CACNA1C: variants seen among roughly 807,000 people sequenced by gnomAD.
CACNA1C encodes the protein calcium voltage-gated channel subunit alpha1 C.
CACNA1C carries 30 observed loss-of-function variants against 229.0 expected under a neutral mutation model. The observed-to-expected ratio is 0.13, with a 90% confidence interval of 0.10 to 0.18. The LOEUF (loss-of-function observed/expected upper bound fraction) is 0.18. CACNA1C is among the 10% of genes least tolerant of loss of function. The pLI, the probability that CACNA1C is intolerant of heterozygous loss-of-function variation, is 1.00. For missense variants in CACNA1C, 1,658 were observed against 2,845.0 expected (o/e 0.58, Z 9.49); for synonymous variants, 1,114 against 1,132.5 (o/e 0.98, Z 0.33).
chr12:2,166,167 C>T (rs1290426446), intron 3 of CACNA1C, among the ~76,000 whole-genome samples: 7 of 152,178 alleles, frequency 4.6e-5, no homozygotes, highest in Admixed American at 4.6e-4. Context: ...TTAGACCCAG[C>T]AAACATTCTG....
At chr12:2,013,970 C>A (rs2044873283) in intron 1 of CACNA1C, among the ~76,000 whole-genome samples, 1 of 152,144 alleles carries the variant, frequency 6.6e-6, no homozygotes, top group African/African-American at 2.4e-5. Context: ...ACATTGTTTT[C>A]TGTTTTCCTT....
chr12:2,579,089 T>G (rs1439929537), intron 13 of CACNA1C, among the ~76,000 whole-genome samples: 1 of 152,108 alleles, frequency 6.6e-6, no homozygotes, highest in Admixed American at 6.5e-5. Context: ...TCCCCCAGAC[T>G]TTCTTGCTGA....
chr12:2,499,637 A>G (rs2099754525), intron 7 of CACNA1C, among the ~76,000 whole-genome samples: 1 of 152,222 alleles, frequency 6.6e-6, no homozygotes, highest in African/African-American at 2.4e-5. Flanking sequence ...TGTTTCAGCC[A>G]AGGCAGGGGC....
intron 5 of CACNA1C, among the ~76,000 whole-genome samples, chr12:2,465,075 C>T (rs951049798): frequency 1.3e-5 from 2 of 152,190 alleles, no homozygotes; most frequent in African/African-American, 4.8e-5. Context: ...GAACGTATTA[C>T]ATATGCTGTT....
intron 3 of CACNA1C, among the ~76,000 whole-genome samples, chr12:2,128,747 T>C (rs2091190323): frequency 6.6e-6 from 1 of 152,228 alleles, no homozygotes; most frequent in Admixed American, 6.5e-5. Context: ...TCCAAGCCTC[T>C]AACACAACAG....
chr12:2,437,861 ATGG>A lies in CACNA1C; in HGVS notation c.478-11107_478-11105del, dbSNP rs1326857507. On this transcript the variant is annotated intron_variant, in intron 3 of 46. Coordinates refer to ENST00000399655, the MANE Select transcript of CACNA1C (RefSeq NM_000719.7). ...AATGATGGTGGTGATGATGGTGGTG[ATGG>A]TGGTGGTAATGGTGGTGGCGGTGGT... 8.5e-4 allele frequency among the ~76,000 whole-genome samples: 111 copies of A among 131,140 alleles called. 4 individuals carry two copies. The highest frequency in any genetic ancestry group is 5.0e-3 in the East Asian group (20 of 3,978). 86.0% of individuals were successfully genotyped at this position (131,140 alleles called of 152,430 possible). A position where few individuals can be genotyped will look rare whatever the true frequency, so the allele number is the denominator to read the frequency against.
Position 2,585,536 on chromosome 12 carries a change from C to T in CACNA1C, c.2460+40C>T. On this transcript the variant is annotated intron_variant, in intron 17 of 46. Coordinates refer to ENST00000399655, the MANE Select transcript of CACNA1C (RefSeq NM_000719.7). This position sits in a 1 kb window ranked among gnomAD's most constrained non-coding sequence, Gnocchi z 4.1. The stretch of plus-strand genomic sequence containing the variant: ...CCTTCCTGGAGCTGTGAGGCCGGTG[C>T]TGGGGAGGGAGGGCCACAGCCTTCC... 2.6e-6 allele frequency: 4 copies of T among 1,515,488 alleles called. No individual in the cohort carries two copies. Among genetic ancestry groups the T allele is most frequent in the Non-Finnish European group, 3.5e-6 (4 of 1,128,282 alleles). 93.9% of individuals were successfully genotyped at this position (1,515,488 alleles called of 1,614,324 possible).
At chr12:2,308,302 A>G (rs928441383) in intron 3 of CACNA1C, among the ~76,000 whole-genome samples, 1 of 152,228 alleles carries the variant, frequency 6.6e-6, no homozygotes, top group Non-Finnish European at 1.5e-5. Flanking sequence ...TATTTTGGAT[A>G]TTAACCCCTT....
rs1051175290 is a variant in CACNA1C at position 2,467,588 on chromosome 12, CA to C, written c.757+9883del. Among the ~76,000 whole-genome samples the C allele has an allele frequency of 6.6e-6, 1 of 152,138 alleles. No individual in the cohort carries two copies. Among genetic ancestry groups the C allele is most frequent in the African/African-American group, 2.4e-5 (1 of 41,434 alleles). On this transcript the variant is annotated intron_variant, in intron 5 of 46. Transcript: ENST00000399655. This position sits in a 1 kb window ranked among gnomAD's most constrained non-coding sequence, Gnocchi z 4.6. ...CACCCTGGAGGGCAGCCAGAGACAGCAGGGGGTGGCGGGGGGCCCTTCACAC... is the reference window on the plus strand; with the variant it reads ...CACCCTGGAGGGCAGCCAGAGACAGCGGGGGTGGCGGGGGGCCCTTCACAC...
intron 29 of CACNA1C, among the ~76,000 whole-genome samples, chr12:2,620,831 T>C (rs1207557579): frequency 2.0e-5 from 3 of 152,262 alleles, no homozygotes; most frequent in African/African-American, 7.2e-5. Context: ...TGTTTCATGT[T>C]CATCTCTGTG....
At chr12:2,256,030 C>G (rs958382482) in intron 3 of CACNA1C, among the ~76,000 whole-genome samples, 1 of 152,140 alleles carries the variant, frequency 6.6e-6, no homozygotes, top group African/African-American at 2.4e-5. Context: ...TACAATCACA[C>G]GATCCTGACC....
intron 5 of CACNA1C, among the ~76,000 whole-genome samples, chr12:2,483,104 T>A (rs1248271158): frequency 2.6e-5 from 4 of 152,240 alleles, no homozygotes; most frequent in Non-Finnish European, 5.9e-5. Flanking sequence ...GAAGATGTGA[T>A]GAGACTCAAG....
At chr12:2,164,376 T>C (rs1194016985) in intron 3 of CACNA1C, among the ~76,000 whole-genome samples, 1 of 152,240 alleles carries the variant, frequency 6.6e-6, no homozygotes, top group African/African-American at 2.4e-5. Flanking sequence ...CCAGGTTTTG[T>C]TGCCAGGGCA....
intron 3 of CACNA1C, among the ~76,000 whole-genome samples, chr12:2,328,041 T>G (rs1158193510): frequency 6.6e-6 from 1 of 152,216 alleles, no homozygotes; most frequent in African/African-American, 2.4e-5. Context: ...GGGGGGCAGT[T>G]CTTTGCAGAG....
rs1277707782 is a variant in CACNA1C, at chr12:2,410,038, G to A, written c.478-38938G>A. Among the ~76,000 whole-genome samples, 2 of 152,328 alleles carry A rather than the reference G, an allele frequency of 1.3e-5. No individual in the cohort carries two copies. Among genetic ancestry groups the A allele is most frequent in the East Asian group, 1.9e-4 (1 of 5,184 alleles). On this transcript the variant is annotated intron_variant, in intron 3 of 46. Transcript: ENST00000399655. The surrounding 1 kb of genome is among the most constrained non-coding windows in gnomAD (Gnocchi z 5.3). ...ACAGAGGAGAATTTTCGCTCGGGGT[G>A]GGAATGAATCATCCTCACCTGCCAG...
intron 3 of CACNA1C, among the ~76,000 whole-genome samples, chr12:2,300,078 G>C (rs1376748925): frequency 6.6e-6 from 1 of 152,228 alleles, no homozygotes; most frequent in Non-Finnish European, 1.5e-5. Flanking sequence ...TGGCTGTGAA[G>C]TCTGAGGCAA....
chr12:2,090,467 A>G (rs2070299787), intron 1 of CACNA1C, among the ~76,000 whole-genome samples: 1 of 151,732 alleles, frequency 6.6e-6, no homozygotes, highest in African/African-American at 2.4e-5. Context: ...ACAGGTGTGC[A>G]CTACCCTGCC....
chr12:2,298,507 C>G (rs1029663655), intron 3 of CACNA1C, among the ~76,000 whole-genome samples: 4 of 152,174 alleles, frequency 2.6e-5, no homozygotes, highest in African/African-American at 7.2e-5. Context: ...CCATGTTGGC[C>G]AAGATGGTCT....
intron 1 of CACNA1C, among the ~76,000 whole-genome samples, chr12:2,022,199 CTA>C (rs1178967328): frequency 6.6e-6 from 1 of 152,124 alleles, no homozygotes; most frequent in Admixed American, 6.5e-5. Context: ...TGCGAGTGCT[CTA>C]TGTGATGGAA....
Sources: gnomAD v4.1 joint callset for allele counts (sites outside exome capture counted in the v4.1 genomes callset) on GRCh38, gnomAD v4.1.1 for gene constraint, Gnocchi (gnomAD v3.1) non-coding constraint, MANE v1.5 for transcripts, NCBI Gene and HGNC (gene_info 2026-07-23, HGNC 2026-07-21) for gene names.